LGI2: variants seen among roughly 807,000 people sequenced by gnomAD.
LGI2 encodes the protein leucine rich repeat LGI family member 2.
LGI2 carries 30 observed loss-of-function variants against 52.0 expected under a neutral mutation model. The observed-to-expected ratio is 0.58, with a 90% CI of 0.43 to 0.78. LGI2 has a LOEUF of 0.78. LGI2 is among the 30% of genes least tolerant of loss of function. The probability of loss-of-function intolerance (pLI) is 0.00; values close to 1 mark genes in which losing one functional copy is unlikely to be tolerated. For missense variants in LGI2, 573 were observed against 692.5 expected (o/e 0.83, Z 1.94); for synonymous variants, 270 against 271.8 (o/e 0.99, Z 0.06).
intron 6 of LGI2, 70 bp from the exon 7 acceptor site, chr4:25,012,569 G>T (rs6826019): frequency 0.14 from 208,119 of 1,508,370 alleles, 15,832 homozygotes; most frequent in South Asian, 0.28. Flanking sequence ...CACCATCACC[G>T]TTCCATCATC....
chr4:24,996,917 T>C (rs929785636), downstream of LGI2, among the ~76,000 whole-genome samples: 1 of 152,210 alleles, frequency 6.6e-6, no homozygotes, highest in Admixed American at 6.5e-5. Flanking sequence ...GGGGCCCACA[T>C]AGAGATTCCA....
At chr4:25,016,178 C>A (rs139819066) in intron 6 of LGI2, among the ~76,000 whole-genome samples, 10 of 152,170 alleles carry the variant, frequency 6.6e-5, no homozygotes, top group Admixed American at 2.6e-4. Flanking sequence ...ATCCTCAGGG[C>A]CCTAAGCTCA....
At chr4:25,028,081 A>G (rs2109427870) in intron 2 of LGI2, among the ~76,000 whole-genome samples, 1 of 152,352 alleles carries the variant, frequency 6.6e-6, no homozygotes, top group Non-Finnish European at 1.5e-5. Flanking sequence ...TACGCACGTA[A>G]GTTCATAGGA....
chr4:25,017,795 C>T (rs374884038), intron 6 of LGI2, among the ~76,000 whole-genome samples, 194 bp downstream of exon 6: 2 of 152,272 alleles, frequency 1.3e-5, no homozygotes, highest in South Asian at 2.1e-4. Context: ...GGGCAGTTAA[C>T]AAAAATTCTC....
rs117458924 is a variant in LGI2 at position 25,023,165 on chromosome 4, T to C, written c.413+1655A>G. 1.1e-3 allele frequency among the ~76,000 whole-genome samples: 162 copies of C among 152,328 alleles called. 1 individual carries two copies. The East Asian group carries it at 0.022, about 21-fold the overall frequency. On this transcript the variant is annotated intron_variant, in intron 4 of 7. Transcript: ENST00000382114. ...GCTTTTCAAGCAAGCATTAACCTTT[T>C]ATGTACAGCAATCCTATGAAATCAG... is the stretch of plus-strand genomic sequence containing the variant.
At chr4:25,011,388 C>T (rs1486560243) in intron 7 of LGI2, among the ~76,000 whole-genome samples, 1 of 152,170 alleles carries the variant, frequency 6.6e-6, no homozygotes, top group Non-Finnish European at 1.5e-5. Context: ...CCGACGGTGG[C>T]CAGCTCATCT....
chr4:25,000,833 T>C lies in LGI2; in HGVS notation c.*2618A>G, dbSNP rs6854721. ...TTGGTTGGTTTTTTGTTTTACATTA[T>C]TACTGGAAGAATGCTTCTTGCAGAA... is the stretch of plus-strand genomic sequence containing the variant. On this transcript the variant is annotated 3_prime_UTR_variant, in exon 8 of 8. Coordinates refer to ENST00000382114, the MANE Select transcript of LGI2 (RefSeq NM_018176.4). 11,499 of 152,318 alleles carry C rather than the reference T, an allele frequency of 0.075. 635 individuals carry two copies. The highest frequency in any genetic ancestry group is 0.15 in the African/African-American group (6,104 of 41,550). 9.4% of individuals were successfully genotyped at this position (152,318 alleles called of 1,614,324 possible).
intron 1 of LGI2, among the ~76,000 whole-genome samples, chr4:25,029,739 T>A (rs1201762452): frequency 6.6e-6 from 1 of 152,150 alleles, no homozygotes; most frequent in Non-Finnish European, 1.5e-5. Context: ...CCAACACAAC[T>A]GTGTGATGGA....
rs1378189609 is a variant in LGI2, at chr4:25,024,709, C to T, written c.413+111G>A. The T allele has an allele frequency of 1.8e-5, 12 of 681,982 alleles. No individual in the cohort carries two copies. In the East Asian group the frequency reaches 3.0e-4, roughly 17 times the overall value. 42.2% of individuals were successfully genotyped at this position (681,982 alleles called of 1,614,324 possible). On this transcript the variant is annotated intron_variant, in intron 4 of 7. Coordinates refer to ENST00000382114, the MANE Select transcript of LGI2 (RefSeq NM_018176.4). Reference sequence around the variant, plus strand: ...ACAACATAGAAACCTCTTGAGTAATCTAGAAATTCATTTCCTTCAGGGACA... The same window carrying T: ...ACAACATAGAAACCTCTTGAGTAATTTAGAAATTCATTTCCTTCAGGGACA...
chr4:25,030,775 C>G lies in LGI2; in HGVS notation c.-82G>C. ...GACCCGGCGCCGCTGCAGACGCGGG[C>G]GCCGCTCGCTGCTCTGCCGCCGCCG... On this transcript the variant is annotated 5_prime_UTR_variant, in exon 1 of 8. Coordinates refer to ENST00000382114, the MANE Select transcript of LGI2 (RefSeq NM_018176.4). 1 of 807,614 alleles carries G rather than the reference C, an allele frequency of 1.2e-6. No homozygotes were observed. The highest frequency in any genetic ancestry group is 1.5e-6 in the Non-Finnish European group (1 of 659,232). 50.0% of individuals were successfully genotyped at this position (807,614 alleles called of 1,614,324 possible).
chr4:24,995,604 T>A (rs1467391011), downstream of LGI2, among the ~76,000 whole-genome samples: 1 of 152,120 alleles, frequency 6.6e-6, no homozygotes, highest in Non-Finnish European at 1.5e-5. Flanking sequence ...CTGGCCTCCC[T>A]CCAAGTGAGC....
intron 6 of LGI2, among the ~76,000 whole-genome samples, chr4:25,017,233 C>T (rs975193150): frequency 1.3e-5 from 2 of 152,036 alleles, no homozygotes; most frequent in Non-Finnish European, 2.9e-5. Flanking sequence ...CTCTGAAAGT[C>T]ATTTGTGGGT....
intron 6 of LGI2, among the ~76,000 whole-genome samples, chr4:25,014,767 G>A (rs778397881): frequency 4.0e-4 from 59 of 147,406 alleles, no homozygotes; most frequent in Non-Finnish European, 6.8e-4. Context: ...GGAGTCTGAG[G>A]TTGCAGTGAG....
chr4:25,015,216 C>T (rs1725722416), intron 6 of LGI2, among the ~76,000 whole-genome samples: 1 of 152,202 alleles, frequency 6.6e-6, no homozygotes, highest in Non-Finnish European at 1.5e-5. Flanking sequence ...GACGCCGATC[C>T]TTCTGGGAGA....
intron 6 of LGI2, among the ~76,000 whole-genome samples, chr4:25,014,535 G>A (rs1053143933): frequency 1.7e-5 from 2 of 117,382 alleles, no homozygotes; most frequent in South Asian, 5.8e-4. Context: ...GAAAAAAGAA[G>A]AACAGGGCCA....
chr4:25,011,871 G>T (rs1345293251), intron 7 of LGI2, among the ~76,000 whole-genome samples: 2 of 152,134 alleles, frequency 1.3e-5, no homozygotes, highest in African/African-American at 4.8e-5. Flanking sequence ...CTTACTAAAA[G>T]AAAGCAGTGA....
intron 7 of LGI2, among the ~76,000 whole-genome samples, chr4:25,009,445 T>G (rs555706325): frequency 6.5e-4 from 99 of 152,194 alleles, no homozygotes; most frequent in African/African-American, 2.3e-3. Flanking sequence ...ACCCAAGCCT[T>G]CAAATCTTCC....
chr4:25,030,133 C>A (rs1302557568), intron 1 of LGI2, among the ~76,000 whole-genome samples: 3 of 152,148 alleles, frequency 2.0e-5, no homozygotes, highest in Non-Finnish European at 4.4e-5. Flanking sequence ...AACTTTAATG[C>A]ACCCTTGAGT....
At chr4:24,995,097 G>C (rs1276104370), downstream of LGI2, among the ~76,000 whole-genome samples, 1 of 152,030 alleles carries the variant, frequency 6.6e-6, no homozygotes, top group Non-Finnish European at 1.5e-5. Context: ...TACTCACCTG[G>C]GTGCACAAAT....
Sources: gnomAD v4.1 joint callset for allele counts (sites outside exome capture counted in the v4.1 genomes callset) on GRCh38, gnomAD v4.1.1 for gene constraint, MANE v1.5 for transcripts, NCBI Gene and HGNC (gene_info 2026-07-23, HGNC 2026-07-21) for gene names.